The following MBD5 variants were observed in gnomAD, a reference collection of about 807,000 sequenced individuals.
The protein encoded by MBD5 is methyl-CpG binding domain protein 5, also known as methyl-CpG-binding domain protein 5.
MBD5 carries 13 observed loss-of-function variants against 117.3 expected under a neutral mutation model. The ratio of observed to expected loss-of-function variants is 0.11; its 90% CI spans 0.07 to 0.18. The LOEUF (loss-of-function observed/expected upper bound fraction) is 0.18. Ranked by LOEUF, MBD5 falls within the 10% of genes least tolerant of loss-of-function variation. The pLI, the probability that MBD5 is intolerant of heterozygous loss-of-function variation, is 1.00. For missense variants in MBD5, 1,879 were observed against 2,093.8 expected, an observed-to-expected ratio of 0.90 and a Z score of 2.00; for synonymous variants, 727 against 766.4, an observed-to-expected ratio of 0.95 and a Z score of 0.85.
chr2:148,405,437 A>G (rs1705046334), intron 4 of MBD5, among the ~76,000 whole-genome samples: 2 of 152,226 alleles, frequency 1.3e-5, no homozygotes. Flanking sequence ...GTGATGAGCA[A>G]CAGCAGTTAT....
chr2:148,264,039 G>A (rs1334694781), intron 3 of MBD5: 3 of 152,144 alleles, frequency 2.0e-5, no homozygotes, highest in African/African-American at 7.2e-5. Flanking sequence ...TTGACAAGTA[G>A]TGTTCAAGAT....
intron 3 of MBD5, among the ~76,000 whole-genome samples, chr2:148,245,503 G>A (rs1266574951): frequency 6.6e-6 from 1 of 152,060 alleles, no homozygotes; most frequent in African/African-American, 2.4e-5. Context: ...AGGCTGCAGT[G>A]GGAAGATGGG....
intron 1 of MBD5, among the ~76,000 whole-genome samples, chr2:148,048,502 A>G (rs867080312): frequency 4.6e-5 from 7 of 152,292 alleles, no homozygotes; most frequent in African/African-American, 1.7e-4. Context: ...TTGTGAGAAA[A>G]TAAGAACTGA....
intron 3 of MBD5, among the ~76,000 whole-genome samples, chr2:148,258,949 C>G (rs1042591627): frequency 6.6e-6 from 1 of 152,144 alleles, no homozygotes. Context: ...ACCCTACATA[C>G]AGGGTGGGGA....
Position 148,470,033 on chromosome 2 carries a change from C to T in MBD5, c.2090C>T (p.Pro697Leu). 1 of 1,613,808 alleles carries T rather than the reference C, an allele frequency of 6.2e-7. No homozygotes were observed. Among genetic ancestry groups the T allele is most frequent in the Non-Finnish European group, 8.5e-7 (1 of 1,179,850 alleles). The change falls in exon 8 of 14, where the codon CCC becomes CTC. Residue 697 changes from proline (P) to leucine (L), a missense_variant. Transcript: ENST00000642680. The part of the protein sequence containing the change: ...LLRKQGQGSF[P>L]ISSMSQLLQS... The stretch of plus-strand genomic sequence containing the variant: ...AGGAAGCAGGGTCAGGGTTCATTTC[C>T]CATCAGTTCAATGTCTCAGTTACTA...
chr2:148,163,280 C>G (rs1698052150), intron 1 of MBD5, among the ~76,000 whole-genome samples: 1 of 152,112 alleles, frequency 6.6e-6, no homozygotes, highest in South Asian at 2.1e-4. Flanking sequence ...GACTTTAGGC[C>G]CATTCCTGGG....
At chr2:148,439,712 A>G (rs1309656506) in intron 4 of MBD5, among the ~76,000 whole-genome samples, 1 of 150,786 alleles carries the variant, frequency 6.6e-6, no homozygotes, top group African/African-American at 2.4e-5. Context: ...TAAAATTGCA[A>G]TTGTCACCTA....
intron 4 of MBD5, chr2:148,347,037 G>A (rs1703140376): frequency 6.6e-6 from 1 of 151,904 alleles, no homozygotes; most frequent in African/African-American, 2.4e-5. Context: ...GCAAATCCCA[G>A]GCATTATATG....
chr2:148,423,191 G>T (rs190940562), intron 4 of MBD5, among the ~76,000 whole-genome samples: 32 of 152,120 alleles, frequency 2.1e-4, no homozygotes, highest in African/African-American at 7.5e-4. Context: ...GAAGGGTCGG[G>T]TTACCCACCA....
chr2:148,467,872 T>C (rs1680606940), intron 7 of MBD5, among the ~76,000 whole-genome samples: 1 of 152,162 alleles, frequency 6.6e-6, no homozygotes, highest in Non-Finnish European at 1.5e-5. Flanking sequence ...TGGCAATTCA[T>C]TTAAATCACC....
chr2:148,068,595 T>C (rs1350704776), intron 1 of MBD5: 1 of 152,220 alleles, frequency 6.6e-6, no homozygotes, highest in Non-Finnish European at 1.5e-5. Flanking sequence ...TTCCAGCAGG[T>C]AACTTCTGTG....
rs1652332102 is a variant in MBD5, at chr2:148,318,864, C to T, written c.-679-23350C>T. ...CCTAGTAGCTGGGATTACAGACATG[C>T]GCCATCATGCCCGGCTAATTCTTTT... is the stretch of plus-strand genomic sequence containing the variant. On this transcript the variant is annotated intron_variant, in intron 3 of 13. Coordinates refer to ENST00000642680, the MANE Select transcript of MBD5 (RefSeq NM_001378120.1). Among the ~76,000 whole-genome samples the T allele has an allele frequency of 2.0e-5, 3 of 152,158 alleles. 1 individual carries two copies. The South Asian group carries it at 6.2e-4, about 32-fold the overall frequency.
At chr2:148,451,175 A>T (rs2105481547) in intron 4 of MBD5, among the ~76,000 whole-genome samples, 1 of 152,248 alleles carries the variant, frequency 6.6e-6, no homozygotes, top group Non-Finnish European at 1.5e-5. Flanking sequence ...AACAAAAGTA[A>T]ATGTGCTAGG....
At chr2:148,319,614 A>G (rs1322641984) in intron 3 of MBD5, among the ~76,000 whole-genome samples, 2 of 152,098 alleles carry the variant, frequency 1.3e-5, no homozygotes, top group Admixed American at 1.3e-4. Context: ...GTATCCTGAA[A>G]CTTTACTGGA....
At chr2:148,188,798 G>A (rs12479178) in intron 2 of MBD5, among the ~76,000 whole-genome samples, 1 of 151,778 alleles carries the variant, frequency 6.6e-6, no homozygotes, top group African/African-American at 2.4e-5. Context: ...AGCTCCCAGC[G>A]TGAGCGACGC....
chr2:148,447,206 A>AGAAAGAAAGAAAGAAG (rs1559075685), intron 4 of MBD5, among the ~76,000 whole-genome samples: 79 of 12,220 alleles, frequency 6.5e-3, no homozygotes, highest in Non-Finnish European at 0.034. Context: ...AAAGAAAGAA[A>AGAAAGAAAGAAAGAAG]GAAAGAAAGA....
chr2:148,266,957 G>C (rs1420799402), intron 3 of MBD5, among the ~76,000 whole-genome samples: 4 of 152,098 alleles, frequency 2.6e-5, no homozygotes, highest in African/African-American at 9.7e-5. Context: ...CTTATTAAGT[G>C]ATTACTGTAT....
intron 2 of MBD5, among the ~76,000 whole-genome samples, chr2:148,212,986 T>A (rs181797770): frequency 6.6e-5 from 10 of 151,990 alleles, no homozygotes; most frequent in African/African-American, 2.2e-4. Context: ...TTCATCTTTA[T>A]TCTACATGAT....
At chr2:148,243,366 T>A (rs975786446) in intron 3 of MBD5, among the ~76,000 whole-genome samples, 2 of 152,128 alleles carry the variant, frequency 1.3e-5, no homozygotes, top group Non-Finnish European at 2.9e-5. Context: ...TCTTTTTATC[T>A]CTATGCAATC....
Sources: allele counts gnomAD v4.1 joint callset (sites outside exome capture counted in the v4.1 genomes callset), GRCh38; gene constraint gnomAD v4.1.1; transcripts MANE v1.5; gene names NCBI Gene and HGNC (gene_info 2026-07-23, HGNC 2026-07-21).